DDX5: variants seen among roughly 807,000 people sequenced by gnomAD.
DDX5 encodes DEAD-box helicase 5.
DDX5 carries 6 observed loss-of-function variants against 68.6 expected under a neutral mutation model. The ratio of observed to expected loss-of-function variants is 0.09; its 90% CI spans 0.05 to 0.17. The LOEUF is 0.17. Ranked by LOEUF, DDX5 falls within the 10% of genes least tolerant of loss-of-function variation. The probability of loss-of-function intolerance (pLI) is 1.00; values close to 1 mark genes in which losing one functional copy is unlikely to be tolerated. For synonymous variants in DDX5, 350 were observed against 247.0 expected (o/e 1.42, Z -3.91); for missense variants, 499 against 756.1 (o/e 0.66, Z 3.99).
Position 64,500,314 on chromosome 17 carries a change from C to T in DDX5, c.1454G>A (p.Gly485Asp), listed in dbSNP as rs1226107225. ...ACGGTCATCCTTCATGCCTCCTCTA[C>T]CCCTGGAACGACCTGTCAAGAAAAC... ...VEDRGSGRSR[G>D]RGGMKDDRRD... Residue 485 changes from glycine (G) to aspartate (D), a missense_variant, in exon 13 of 13, where the codon GGT (glycine) becomes GAT (aspartate). Gly to Asp is a moderately conservative substitution (Grantham distance 94, BLOSUM62 -1). Transcript: ENST00000225792. 6.2e-7 allele frequency: 1 copy of T among 1,605,804 alleles called. No homozygotes were observed. The highest frequency in any genetic ancestry group is 1.3e-5 in the African/African-American group (1 of 74,640).
chr17:64,504,140 G>T, intron 3 of DDX5, 24 bp from the exon 4 acceptor site: 1 of 1,613,668 alleles, frequency 6.2e-7, no homozygotes, highest in Non-Finnish European at 8.5e-7. Context: ...CAGATATTTA[G>T]TAAAAATTAG....
intron 11 of DDX5, chr17:64,501,504 C>T (rs2038296758): frequency 6.1e-6 from 1 of 162,922 alleles, no homozygotes; most frequent in Admixed American, 5.9e-5. Context: ...CCTTTTAAAG[C>T]TGCTCTCTCC....
chr17:64,503,174 CA>C lies in DDX5; in HGVS notation c.810+13del. The stretch of plus-strand genomic sequence containing the variant: ...CACAATTCAGTTTGATCACATATTT[CA>C]AAGGACACTTACTCTTATTTGATCC... On this transcript the variant is annotated intron_variant, in intron 7 of 12. Coordinates refer to ENST00000225792, the MANE Select transcript of DDX5 (RefSeq NM_004396.5). 1.2e-6 allele frequency: 2 copies of C among 1,613,586 alleles called. No homozygotes were observed. Among genetic ancestry groups the C allele is most frequent in the Non-Finnish European group, 1.7e-6 (2 of 1,179,730 alleles).
At chr17:64,501,624 T>C (rs1416851051) in intron 11 of DDX5, 3 of 212,028 alleles carry the variant, frequency 1.4e-5, no homozygotes, top group Admixed American at 5.3e-5. Flanking sequence ...AGTGAACAGT[T>C]TGAAACAAGG....
At chr17:64,505,330 A>G (rs1008617433) in intron 1 of DDX5, 7 of 382,624 alleles carry the variant, frequency 1.8e-5, no homozygotes, top group Non-Finnish European at 3.4e-5. Flanking sequence ...TTTTCTCAGA[A>G]ACACTTCTGC....
rs782288465 is a variant in DDX5, at chr17:64,500,532, C to T, written c.1441+17G>A. On this transcript the variant is annotated intron_variant, in intron 12 of 12. Transcript: ENST00000225792. ...TGTGACTCGTAACTACCAACATTTC[C>T]TATCAGTCATCCTTACCTGAACCTC... 3 of 1,605,484 alleles carry T rather than the reference C, an allele frequency of 1.9e-6. No individual in the cohort carries two copies. The highest frequency in any genetic ancestry group is 2.6e-6 in the Non-Finnish European group (3 of 1,173,782).
intron 1 of DDX5, 174 bp from the exon 2 acceptor site, chr17:64,505,016 T>C: frequency 1.8e-6 from 1 of 565,392 alleles, no homozygotes; most frequent in Non-Finnish European, 3.0e-6. Context: ...AGTTAACATT[T>C]CCCGTAGTCC....
In DDX5 at chr17:64,499,135, GTC is replaced by G. The variant is rs1318689366; in HGVS notation, c.*786_*787del. On this transcript the variant is annotated 3_prime_UTR_variant, in exon 13 of 13. Coordinates refer to ENST00000225792, the MANE Select transcript of DDX5 (RefSeq NM_004396.5). ...TGGCCATCTTAAAGGGCTAATGTAT[GTC>G]TTTCACAGGTTTGTTCAACATTTCA... Among the ~76,000 whole-genome samples, 1 of 152,184 alleles carries G rather than the reference GTC, an allele frequency of 6.6e-6. No individual in the cohort carries two copies. The highest frequency in any genetic ancestry group is 2.4e-5 in the African/African-American group (1 of 41,460).
rs917582925 is a variant in DDX5 at position 64,503,245 on chromosome 17, A to G, written c.753T>C (p.Asp251=). ...RTTYLVLDEA[D]RMLDMGFEPQ... ...GTTCAAAGCCCATATCAAGCATTCT[A>G]TCTGCTTCATCAAGGACAAGGTAGG... The change falls in exon 7 of 13, where the codon GAT becomes GAC. Residue 251 remains aspartate (D), a synonymous_variant. Coordinates refer to ENST00000225792, the MANE Select transcript of DDX5 (RefSeq NM_004396.5). 6.2e-7 allele frequency: 1 copy of G among 1,614,174 alleles called. No homozygotes were observed. Among genetic ancestry groups the G allele is most frequent in the Non-Finnish European group, 8.5e-7 (1 of 1,180,024 alleles).
At chr17:64,506,774 C>G, upstream of DDX5, 3 of 524,446 alleles carry the variant, frequency 5.7e-6, no homozygotes, top group Non-Finnish European at 1.0e-5. Context: ...GCTGCTCGCA[C>G]CCCGGGACCC....
In DDX5 at chr17:64,504,848, A is replaced by G. The variant is rs782778403; in HGVS notation, c.45-6T>C. 2.5e-6 allele frequency: 4 copies of G among 1,590,912 alleles called. No homozygotes were observed. The highest frequency in any genetic ancestry group is 3.4e-6 in the Non-Finnish European group (4 of 1,173,670). ...CAAATCGAGGTGCACCAAACCTGGA[A>G]TGAAAAAAAACGTTATTCACATTTT... is the stretch of plus-strand genomic sequence containing the variant. On this transcript the variant is annotated splice_polypyrimidine_tract_variant and splice_region_variant and intron_variant, in intron 1 of 12. Coordinates refer to ENST00000225792, the MANE Select transcript of DDX5 (RefSeq NM_004396.5).
chr17:64,504,281 G>C lies in DDX5; in HGVS notation c.248C>G (p.Thr83Arg). The change falls in exon 3 of 13, where the codon ACA becomes AGA. Residue 83 changes from threonine to arginine, a missense_variant. This residue lies in a region of DDX5 where 140 missense variants were observed against 135.7 expected (regional missense o/e 1.03). Transcript: ENST00000225792. ...CTTCGGGCAGTTGTGACCTCTAACT[G>C]TAATTTCCTTGCTTCTTCTGTATGT... Reference protein sequence around the residue: ...VETYRRSKEITVRGHNCPKPV... With the variant: ...VETYRRSKEIRVRGHNCPKPV... 6.2e-7 allele frequency: 1 copy of C among 1,614,056 alleles called. No individual in the cohort carries two copies. The highest frequency in any genetic ancestry group is 8.5e-7 in the Non-Finnish European group (1 of 1,180,002).
rs1265618270 is a variant in DDX5 at position 64,498,295 on chromosome 17, C to A, written c.*1628G>T. 6.6e-6 allele frequency among the ~76,000 whole-genome samples: 1 copy of A among 152,126 alleles called. No homozygotes were observed. The highest frequency in any genetic ancestry group is 1.5e-5 in the Non-Finnish European group (1 of 68,036). ...ATTTATTAGTTAAGACGACCACAGG[C>A]TGGACACAACACACATGCTAAAAAG... On this transcript the variant is annotated 3_prime_UTR_variant, in exon 13 of 13. Transcript: ENST00000225792.
chr17:64,503,012 A>C lies in DDX5; in HGVS notation c.897T>G (p.His299Gln). ...LAEDFLKDYI[H>Q]INIGALELSA... ...TCAGTTCAAGTGCACCAATGTTTAT[A>C]TGAATATAGTCTTTCAGGAAATCTT... The change falls in exon 8 of 13, where the codon CAT becomes CAG. Residue 299 changes from histidine (H) to glutamine (Q), a missense_variant. By Grantham distance (24) the His-to-Gln change is conservative. Coordinates refer to ENST00000225792, the MANE Select transcript of DDX5 (RefSeq NM_004396.5). 1 of 1,614,134 alleles carries C rather than the reference A, an allele frequency of 6.2e-7. No homozygotes were observed. The highest frequency in any genetic ancestry group is 8.5e-7 in the Non-Finnish European group (1 of 1,180,012).
intron 11 of DDX5, 103 bp from the exon 12 acceptor site, chr17:64,500,876 G>T: frequency 1.2e-6 from 1 of 805,418 alleles, no homozygotes; most frequent in Non-Finnish European, 2.0e-6. Context: ...TCCCAAGAAG[G>T]TACGGGCTGC....
At chr17:64,501,037 A>T in intron 11 of DDX5, 1 of 517,080 alleles carries the variant, frequency 1.9e-6, no homozygotes, top group Non-Finnish European at 3.5e-6. Context: ...GCACATTCCC[A>T]AATCAGCAAG....
chr17:64,506,032 A>AAACCCC, intron 1 of DDX5, 44 bp downstream of exon 1: 9 of 442,392 alleles, frequency 2.0e-5, no homozygotes, highest in Non-Finnish European at 2.5e-5. Flanking sequence ...CCGCCCTCCC[A>AAACCCC]TCCCCCCACC....
In DDX5 at chr17:64,506,227, G is replaced by C. The variant is rs918477704; in HGVS notation, c.-108C>G. ...GAAGCCTTGCGGGGGCGGCAGCGGAGGAAGGACACCGATGACACCAGCCGA... is the reference window on the plus strand; with the variant it reads ...GAAGCCTTGCGGGGGCGGCAGCGGACGAAGGACACCGATGACACCAGCCGA... On this transcript the variant is annotated 5_prime_UTR_variant, in exon 1 of 13. Transcript: ENST00000225792. 2 of 1,555,020 alleles carry C rather than the reference G, an allele frequency of 1.3e-6. No homozygotes were observed. Among genetic ancestry groups the C allele is most frequent in the African/African-American group, 1.4e-5 (1 of 73,516 alleles).
At chr17:64,502,349 A>G (rs1361566153) in intron 9 of DDX5, 90 bp downstream of exon 9, 5 of 1,446,182 alleles carry the variant, frequency 3.5e-6, no homozygotes, top group Non-Finnish European at 3.9e-6. Context: ...TCACTATCAG[A>G]TATGAAAAAA....
Sources: allele counts gnomAD v4.1 joint callset (sites outside exome capture counted in the v4.1 genomes callset), GRCh38; gene constraint gnomAD v4.1.1; regional missense constraint gnomAD v4.1.1; transcripts MANE v1.5; gene names NCBI Gene and HGNC (gene_info 2026-07-23, HGNC 2026-07-21).